Variants in CYP19A1 observed in about 807,000 individuals in gnomAD.
CYP19A1 encodes aromatase.
CYP19A1 carries 32 observed loss-of-function variants against 44.4 expected under a neutral mutation model. The ratio of observed to expected loss-of-function variants is 0.72; its 90% CI spans 0.54 to 0.97. The LOEUF (loss-of-function observed/expected upper bound fraction) is 0.97, where lower values mean the gene tolerates loss of function less well. Among genes scored for constraint, CYP19A1 ranks in the 50% least tolerant of loss-of-function variants. CYP19A1 has a pLI of 0.00. For synonymous variants in CYP19A1, 212 were observed against 215.6 expected (o/e 0.98, Z 0.14); for missense variants, 598 against 637.8 (o/e 0.94, Z 0.67).
intron 1 of CYP19A1, among the ~76,000 whole-genome samples, chr15:51,254,318 A>T (rs1243632335): frequency 6.6e-6 from 1 of 152,244 alleles, no homozygotes; most frequent in Non-Finnish European, 1.5e-5. Context: ...AGGTTTGATT[A>T]TCCATCTTTT....
intron 1 of CYP19A1, among the ~76,000 whole-genome samples, chr15:51,315,543 T>C (rs1344516091): frequency 6.6e-6 from 1 of 152,244 alleles, no homozygotes; most frequent in Non-Finnish European, 1.5e-5. Flanking sequence ...TTTACTGTTG[T>C]ATACCCAGTT....
intron 1 of CYP19A1, among the ~76,000 whole-genome samples, chr15:51,287,868 G>A (rs2035744226): frequency 6.6e-6 from 1 of 152,184 alleles, no homozygotes; most frequent in African/African-American, 2.4e-5. Flanking sequence ...GTTGAAGGTG[G>A]AATGTTCAAA....
intron 8 of CYP19A1, among the ~76,000 whole-genome samples, chr15:51,213,151 T>A (rs1360434626): frequency 6.6e-6 from 1 of 152,202 alleles, no homozygotes; most frequent in East Asian, 1.9e-4. Context: ...TGTGCAGTCA[T>A]CTGCCCATAC....
chr15:51,284,860 T>C (rs1447462599), intron 1 of CYP19A1, among the ~76,000 whole-genome samples: 1 of 152,246 alleles, frequency 6.6e-6, no homozygotes, highest in Non-Finnish European at 1.5e-5. Context: ...GGTGCCTGTG[T>C]GGGTGCCCAC....
At chr15:51,316,729 G>A (rs948045351) in intron 1 of CYP19A1, among the ~76,000 whole-genome samples, 18 of 150,408 alleles carry the variant, frequency 1.2e-4, no homozygotes, top group Non-Finnish European at 2.2e-4. Context: ...AAAAAAAAAA[G>A]GAAGAAAGAA....
intron 4 of CYP19A1, among the ~76,000 whole-genome samples, chr15:51,227,495 C>A (rs928107665): frequency 6.6e-6 from 1 of 151,836 alleles, no homozygotes; most frequent in African/African-American, 2.4e-5. Context: ...TATGGCGAAA[C>A]CCCATCGCTA....
Position 51,214,886 on chromosome 15 carries a change from G to C in CYP19A1, c.1021+184C>G. On this transcript the variant is annotated intron_variant, in intron 8 of 9. Coordinates refer to ENST00000396402, the MANE Select transcript of CYP19A1 (RefSeq NM_000103.4). ...GAGCATGCATCATTTTTATGATTAA[G>C]AACACAGAAAGAGCTATCTTTTCCG... The C allele has an allele frequency of 5.2e-6, 5 of 961,298 alleles. No individual in the cohort carries two copies. The South Asian group carries it at 8.9e-5, about 17-fold the overall frequency. 59.5% of individuals were successfully genotyped at this position (961,298 alleles called of 1,614,324 possible).
chr15:51,248,152 G>A (rs2034148299), intron 1 of CYP19A1, among the ~76,000 whole-genome samples: 1 of 152,180 alleles, frequency 6.6e-6, no homozygotes, highest in Non-Finnish European at 1.5e-5. Flanking sequence ...CCAAGCTCTA[G>A]TGTCTTCAAG....
intron 4 of CYP19A1, among the ~76,000 whole-genome samples, chr15:51,222,996 T>G (rs1478931106): frequency 3.9e-5 from 6 of 152,188 alleles, no homozygotes; most frequent in Non-Finnish European, 7.3e-5. Flanking sequence ...TCCTATTTGA[T>G]CTAAGGTGCT....
chr15:51,291,050 G>A (rs1370569160), intron 1 of CYP19A1, among the ~76,000 whole-genome samples: 2 of 152,200 alleles, frequency 1.3e-5, no homozygotes, highest in Non-Finnish European at 2.9e-5. Flanking sequence ...ATTGGATTCT[G>A]TCACTGAGGT....
chr15:51,218,720 G>GTT, intron 5 of CYP19A1, 65 bp from the exon 6 acceptor site: 1 of 1,554,860 alleles, frequency 6.4e-7, no homozygotes, highest in South Asian at 1.2e-5. Context: ...GCCTAAGAAG[G>GTT]TTGCTCTGAG....
At chr15:51,280,433 C>A (rs550787120) in intron 1 of CYP19A1, among the ~76,000 whole-genome samples, 146 of 152,308 alleles carry the variant, frequency 9.6e-4, no homozygotes, top group African/African-American at 3.4e-3. Context: ...CCATCCTGGT[C>A]TCCCCATTTT....
intron 2 of CYP19A1, among the ~76,000 whole-genome samples, chr15:51,237,648 C>G (rs1289635108): frequency 6.6e-6 from 1 of 152,202 alleles, no homozygotes; most frequent in Non-Finnish European, 1.5e-5. Context: ...GGGAGTCAGG[C>G]AATGGGTCTT....
chr15:51,254,598 A>T (rs959690676), intron 1 of CYP19A1, among the ~76,000 whole-genome samples: 1 of 151,172 alleles, frequency 6.6e-6, no homozygotes, highest in African/African-American at 2.4e-5. Flanking sequence ...CATATTTTTC[A>T]TCTCTTTTCT....
At chr15:51,221,880 A>C (rs1030851180) in intron 5 of CYP19A1, 5 of 177,092 alleles carry the variant, frequency 2.8e-5, no homozygotes, top group African/African-American at 1.2e-4. Context: ...TATCACCAGC[A>C]ATATTGACAT....
intron 2 of CYP19A1, among the ~76,000 whole-genome samples, chr15:51,240,596 C>T (rs1311768840): frequency 2.6e-5 from 4 of 152,136 alleles, no homozygotes; most frequent in Non-Finnish European, 1.5e-5. Flanking sequence ...CCACCCCAAA[C>T]AAGGCCAATT....
At chr15:51,329,612 C>A (rs1409608452) in intron 1 of CYP19A1, among the ~76,000 whole-genome samples, 1 of 152,224 alleles carries the variant, frequency 6.6e-6, no homozygotes, top group Non-Finnish European at 1.5e-5. Context: ...CAGTGGAGAA[C>A]CATCTGTCAG....
At chr15:51,242,382 T>G in intron 2 of CYP19A1, 1 of 287,452 alleles carries the variant, frequency 3.5e-6, no homozygotes, top group African/African-American at 2.2e-5. Flanking sequence ...AGAAAAGCAG[T>G]GAAGAAGATG....
Position 51,242,802 on chromosome 15 carries a change from C to T in CYP19A1, c.111G>A (p.Leu37=). 1 of 1,585,778 alleles carries T rather than the reference C, an allele frequency of 6.3e-7. No homozygotes were observed. Among genetic ancestry groups the T allele is most frequent in the Non-Finnish European group, 8.7e-7 (1 of 1,154,220 alleles). Residue 37 remains leucine (L), a synonymous_variant, in exon 2 of 10, where the codon TTG becomes TTA. Coordinates refer to ENST00000396402, the MANE Select transcript of CYP19A1 (RefSeq NM_000103.4). ...AGGATGTGCCCTCATAATTCCACAC[C>T]AAGAGAAAAAGGCCAGTGAGGAGCA... ...PVLLLTGLFL[L]VWNYEGTSSI...
Sources: allele counts gnomAD v4.1 joint callset (sites outside exome capture counted in the v4.1 genomes callset), GRCh38; gene constraint gnomAD v4.1.1; transcripts MANE v1.5; gene names NCBI Gene and HGNC (gene_info 2026-07-23, HGNC 2026-07-21).